The following CSRNP3 variants were observed in gnomAD, a reference collection of about 807,000 sequenced individuals.
The protein encoded by CSRNP3 is cysteine and serine rich nuclear protein 3, also known as cysteine/serine-rich nuclear protein 3.
A neutral mutation model predicts 48.0 loss-of-function variants in CSRNP3; 12 were observed. The observed-to-expected ratio is 0.25, with a 90% CI of 0.16 to 0.41. CSRNP3 has a LOEUF of 0.41. Ranked by LOEUF, CSRNP3 falls within the 10% of genes least tolerant of loss-of-function variation. The pLI, the probability that CSRNP3 is intolerant of heterozygous loss-of-function variation, is 1.00. For synonymous variants in CSRNP3, 263 were observed against 269.7 expected, an observed-to-expected ratio of 0.98 and a Z score of 0.24; for missense variants, 580 against 724.4, an observed-to-expected ratio of 0.80 and a Z score of 2.29.
rs1308940624 is a variant in CSRNP3 at position 165,487,981 on chromosome 2, A to G, written c.-282-6778A>G. On this transcript the variant is annotated intron_variant, in intron 1 of 6. Coordinates refer to ENST00000651982, the MANE Select transcript of CSRNP3 (RefSeq NM_001172173.2). ...AAATGTAAATGGACTAAATTCTCCA[A>G]TTAAAAGACACAGACTGGCAAATTG... Among the ~76,000 whole-genome samples, 4 of 132,470 alleles carry G rather than the reference A, an allele frequency of 3.0e-5. No individual in the cohort carries two copies. The East Asian group carries it at 7.1e-4, about 24-fold the overall frequency. The allele number at this position is 132,470 out of a possible 152,430, so 86.9% of individuals were successfully genotyped here.
chr2:165,524,266 A>T (rs1684703430), intron 3 of CSRNP3, among the ~76,000 whole-genome samples: 1 of 152,170 alleles, frequency 6.6e-6, no homozygotes, highest in South Asian at 2.1e-4. Context: ...GTACTAAAAC[A>T]ATTCTTTAAC....
chr2:165,617,725 C>A (rs11899256), intron 4 of CSRNP3, among the ~76,000 whole-genome samples: 37,225 of 152,164 alleles, frequency 0.24, 4,674 homozygotes, highest in South Asian at 0.41. Flanking sequence ...ATGGTCATAG[C>A]AATGGTAGTC....
intron 4 of CSRNP3, among the ~76,000 whole-genome samples, chr2:165,644,849 A>T (rs1395162669): frequency 1.3e-5 from 2 of 152,232 alleles, no homozygotes; most frequent in Non-Finnish European, 2.9e-5. Context: ...TGCTGTAACA[A>T]AATACCATAA....
intron 3 of CSRNP3, among the ~76,000 whole-genome samples, chr2:165,585,041 A>G (rs1685605347): frequency 2.0e-5 from 3 of 152,238 alleles, no homozygotes; most frequent in Non-Finnish European, 4.4e-5. Flanking sequence ...TTTGATTAAC[A>G]TAATAGTATA....
chr2:165,583,530 A>G (rs1036029266), intron 3 of CSRNP3, among the ~76,000 whole-genome samples: 4 of 152,206 alleles, frequency 2.6e-5, no homozygotes, highest in Non-Finnish European at 5.9e-5. Flanking sequence ...AGAAACTTTG[A>G]CAAAGTAGTT....
chr2:165,663,550 G>A (rs1245316768), intron 5 of CSRNP3, among the ~76,000 whole-genome samples: 1 of 152,216 alleles, frequency 6.6e-6, no homozygotes, highest in Non-Finnish European at 1.5e-5. Flanking sequence ...ATACATTTAA[G>A]AATATGTTCT....
chr2:165,645,136 A>G (rs1245148497), intron 4 of CSRNP3, among the ~76,000 whole-genome samples: 1 of 152,048 alleles, frequency 6.6e-6, no homozygotes, highest in Non-Finnish European at 1.5e-5. Flanking sequence ...AAGTTCAAGA[A>G]CAGCCTGGTC....
At chr2:165,524,329 A>C (rs942708643) in intron 3 of CSRNP3, among the ~76,000 whole-genome samples, 3 of 152,204 alleles carry the variant, frequency 2.0e-5, no homozygotes, top group Non-Finnish European at 4.4e-5. Context: ...TTAAAGTAAA[A>C]TTTAAATAAA....
intron 3 of CSRNP3, among the ~76,000 whole-genome samples, chr2:165,579,362 C>T (rs1036993810): frequency 2.0e-5 from 3 of 152,172 alleles, no homozygotes; most frequent in African/African-American, 7.2e-5. Context: ...GTACGGTCTC[C>T]ACAAAATCCC....
chr2:165,592,381 C>T (rs777754959), intron 3 of CSRNP3, among the ~76,000 whole-genome samples: 17 of 152,212 alleles, frequency 1.1e-4, no homozygotes, highest in African/African-American at 3.6e-4. Context: ...CGTTGGACTT[C>T]GACTTTTGGG....
chr2:165,637,435 G>A (rs1370165356), intron 4 of CSRNP3, among the ~76,000 whole-genome samples: 2 of 152,178 alleles, frequency 1.3e-5, no homozygotes. Context: ...AGCTATTAGT[G>A]TATTTTCAGG....
intron 4 of CSRNP3, among the ~76,000 whole-genome samples, chr2:165,597,784 T>A (rs1251556658): frequency 6.6e-6 from 1 of 152,072 alleles, no homozygotes; most frequent in African/African-American, 2.4e-5. Context: ...GTAGGAAATA[T>A]AATTAACAAA....
intron 2 of CSRNP3, among the ~76,000 whole-genome samples, chr2:165,503,699 T>G (rs1183266342): frequency 1.3e-5 from 2 of 152,068 alleles, no homozygotes; most frequent in Non-Finnish European, 2.9e-5. Flanking sequence ...TATTATTTTA[T>G]GCACAGCAGA....
chr2:165,566,204 C>T (rs1453964929), intron 3 of CSRNP3, among the ~76,000 whole-genome samples: 4 of 48,704 alleles, frequency 8.2e-5, no homozygotes, highest in South Asian at 5.4e-4. Context: ...ACAATCCTAT[C>T]GAGATAAAAA....
At chr2:165,602,317 G>C (rs1307791168) in intron 4 of CSRNP3, among the ~76,000 whole-genome samples, 1 of 152,110 alleles carries the variant, frequency 6.6e-6, no homozygotes, top group African/African-American at 2.4e-5. Flanking sequence ...CATAGATAAA[G>C]GTGCCTCTGA....
chr2:165,471,973 C>G (rs1459805271), intron 1 of CSRNP3, among the ~76,000 whole-genome samples: 1 of 151,862 alleles, frequency 6.6e-6, no homozygotes, highest in Admixed American at 6.6e-5. Flanking sequence ...AAGGCATCAC[C>G]ATTTTTTTTT....
At chr2:165,609,825 G>C (rs990272161) in intron 4 of CSRNP3, among the ~76,000 whole-genome samples, 5 of 152,178 alleles carry the variant, frequency 3.3e-5, no homozygotes, top group Admixed American at 6.5e-5. Flanking sequence ...ATCGAGAAGA[G>C]AGATGCAAAT....
chr2:165,615,569 T>G (rs1283007195), intron 4 of CSRNP3, among the ~76,000 whole-genome samples: 1 of 151,668 alleles, frequency 6.6e-6, no homozygotes, highest in East Asian at 1.9e-4. Context: ...TATAAAAGAA[T>G]TGTTATATCC....
intron 2 of CSRNP3, among the ~76,000 whole-genome samples, chr2:165,506,181 A>G (rs1022382155): frequency 7.9e-5 from 12 of 152,094 alleles, no homozygotes; most frequent in African/African-American, 2.9e-4. Context: ...ATAGACATAC[A>G]TATTACTCTC....
Sources: allele counts gnomAD v4.1 joint callset (sites outside exome capture counted in the v4.1 genomes callset), GRCh38; gene constraint gnomAD v4.1.1; transcripts MANE v1.5; gene names NCBI Gene and HGNC (gene_info 2026-07-23, HGNC 2026-07-21).